The following NRG1 variants were observed in gnomAD, a reference collection of about 807,000 sequenced individuals.
NRG1 encodes pro-neuregulin-1, membrane-bound isoform.
A neutral mutation model predicts 63.8 loss-of-function variants in NRG1; 18 were observed. That is an observed-to-expected ratio of 0.28 (90% CI 0.19 to 0.42). NRG1 has a LOEUF of 0.42. NRG1 is among the 10% of genes least tolerant of loss of function. The pLI is 1.00. For missense variants in NRG1, 762 were observed against 814.7 expected, an observed-to-expected ratio of 0.94 and a Z score of 0.79; for synonymous variants, 302 against 301.3, an observed-to-expected ratio of 1.00 and a Z score of -0.02.
At chr8:32,552,738 G>A (rs1326986807) in intron 1 of NRG1, among the ~76,000 whole-genome samples, 2 of 152,154 alleles carry the variant, frequency 1.3e-5, no homozygotes, top group Non-Finnish European at 2.9e-5. Context: ...AATTAAAATA[G>A]CAGGAAGAGC....
chr8:32,419,930 G>A (rs1375847622), intron 1 of NRG1, among the ~76,000 whole-genome samples: 4 of 152,046 alleles, frequency 2.6e-5, no homozygotes, highest in Admixed American at 1.3e-4. Flanking sequence ...TATATTGCGC[G>A]TCTTCTATTT....
At chr8:32,541,023 A>G (rs1832525319) in intron 1 of NRG1, among the ~76,000 whole-genome samples, 1 of 152,210 alleles carries the variant, frequency 6.6e-6, no homozygotes, top group Non-Finnish European at 1.5e-5. Flanking sequence ...CTTTTCCCAA[A>G]TGAATGAGAA....
intron 1 of NRG1, among the ~76,000 whole-genome samples, chr8:32,016,255 G>A (rs117587598): frequency 1.3e-5 from 2 of 151,948 alleles, no homozygotes; most frequent in Non-Finnish European, 2.9e-5. Context: ...TAGAGATGGG[G>A]TCTTGCTATG....
chr8:32,223,799 G>A (rs1035209072), intron 1 of NRG1, among the ~76,000 whole-genome samples: 4 of 152,104 alleles, frequency 2.6e-5, no homozygotes, highest in African/African-American at 4.8e-5. Flanking sequence ...AGGGAGGCCC[G>A]TAGCGGAAAA....
intron 5 of NRG1, among the ~76,000 whole-genome samples, chr8:32,633,922 G>T (rs10094348): frequency 6.6e-6 from 1 of 151,372 alleles, no homozygotes; most frequent in Non-Finnish European, 1.5e-5. Flanking sequence ...CAGGAGGATC[G>T]CTTGAGGCCA....
At chr8:31,905,029 T>TA (rs74273884) in intron 1 of NRG1, among the ~76,000 whole-genome samples, 6 of 151,030 alleles carry the variant, frequency 4.0e-5, no homozygotes, top group African/African-American at 1.2e-4. Flanking sequence ...AAAGTTTTTT[T>TA]AAAAAAAAAT....
At chr8:31,924,658 T>A (rs932126905) in intron 1 of NRG1, among the ~76,000 whole-genome samples, 7 of 149,418 alleles carry the variant, frequency 4.7e-5, no homozygotes, top group African/African-American at 1.7e-4. Context: ...TTCCTTTGGG[T>A]TTGATTTTTC....
chr8:32,679,493 GCT>G (rs1177954693), intron 5 of NRG1, among the ~76,000 whole-genome samples: 5 of 151,944 alleles, frequency 3.3e-5, no homozygotes, highest in Admixed American at 3.3e-4. Context: ...TAAGCATTTA[GCT>G]CTCTCAAAGA....
chr8:31,960,536 C>T (rs562710889), intron 1 of NRG1, among the ~76,000 whole-genome samples: 25 of 152,350 alleles, frequency 1.6e-4, no homozygotes, highest in African/African-American at 5.5e-4. Flanking sequence ...TTTTATTCTG[C>T]TCTTCTGAGT....
At chr8:31,960,815 A>G (rs1312968445) in intron 1 of NRG1, among the ~76,000 whole-genome samples, 1 of 152,200 alleles carries the variant, frequency 6.6e-6, no homozygotes, top group Non-Finnish European at 1.5e-5. Context: ...GCACTAATCC[A>G]CTTTTACAGT....
At chr8:31,925,310 G>A (rs1314486443) in intron 1 of NRG1, among the ~76,000 whole-genome samples, 1 of 150,958 alleles carries the variant, frequency 6.6e-6, no homozygotes, top group Non-Finnish European at 1.5e-5. Flanking sequence ...TATATTTTTG[G>A]TGTAATGACC....
At chr8:31,823,274 C>T (rs1389623446) in intron 1 of NRG1, among the ~76,000 whole-genome samples, 1 of 152,018 alleles carries the variant, frequency 6.6e-6, no homozygotes, top group Non-Finnish European at 1.5e-5. Flanking sequence ...CTGCTATAGG[C>T]ATCTTGCAGT....
chr8:32,232,170 C>A (rs370903981), intron 1 of NRG1, among the ~76,000 whole-genome samples: 34 of 152,208 alleles, frequency 2.2e-4, no homozygotes, highest in African/African-American at 7.2e-4. Flanking sequence ...TCCCAAAGTG[C>A]TGGGATTACA....
chr8:32,021,367 T>A (rs911186914), intron 1 of NRG1, among the ~76,000 whole-genome samples: 1 of 152,164 alleles, frequency 6.6e-6, no homozygotes, highest in African/African-American at 2.4e-5. Context: ...GAGGGGAAAG[T>A]TTGCTAGGCA....
At chr8:31,894,858 C>T (rs1325238152) in intron 1 of NRG1, among the ~76,000 whole-genome samples, 1 of 152,052 alleles carries the variant, frequency 6.6e-6, no homozygotes, top group Non-Finnish European at 1.5e-5. Flanking sequence ...CCCATAATTA[C>T]TATTTCTTTC....
intron 7 of NRG1, among the ~76,000 whole-genome samples, chr8:32,743,465 T>C (rs1406128634): frequency 2.0e-5 from 3 of 151,086 alleles, no homozygotes; most frequent in Non-Finnish European, 4.4e-5. Flanking sequence ...GTTATTTGTT[T>C]AAATATTTAT....
chr8:32,600,047 T>C (rs1034704388), intron 2 of NRG1, among the ~76,000 whole-genome samples: 8 of 152,124 alleles, frequency 5.3e-5, no homozygotes, highest in Admixed American at 5.2e-4. Context: ...TGTTCTTATG[T>C]AGAAAATGAG....
intron 1 of NRG1, among the ~76,000 whole-genome samples, chr8:32,481,101 T>C (rs1825216044): frequency 6.6e-6 from 1 of 152,172 alleles, no homozygotes; most frequent in South Asian, 2.1e-4. Context: ...CCAAGCACTT[T>C]GGGAGGCCAA....
intron 1 of NRG1, among the ~76,000 whole-genome samples, chr8:31,796,038 T>G (rs1821170685): frequency 6.6e-6 from 1 of 152,212 alleles, no homozygotes; most frequent in African/African-American, 2.4e-5. Context: ...AAGGAAAATA[T>G]ATATTTTAAA....
Sources: allele counts gnomAD v4.1 joint callset (sites outside exome capture counted in the v4.1 genomes callset), GRCh38; gene constraint gnomAD v4.1.1; transcripts MANE v1.5; gene names NCBI Gene and HGNC (gene_info 2026-07-23, HGNC 2026-07-21).